RASGEF1C: variants seen among roughly 807,000 people sequenced by gnomAD.
The protein encoded by RASGEF1C is ras-GEF domain-containing family member 1C.
Under a neutral mutation model 58.1 loss-of-function variants are expected in RASGEF1C, and 27 were observed. The observed-to-expected ratio is 0.46, with a 90% CI of 0.34 to 0.64. The LOEUF (loss-of-function observed/expected upper bound fraction) is 0.64. Ranked by LOEUF, RASGEF1C falls within the 30% of genes least tolerant of loss-of-function variation. The probability of loss-of-function intolerance (pLI) is 0.01; values close to 1 mark genes in which losing one functional copy is unlikely to be tolerated. For synonymous variants in RASGEF1C, 243 were observed against 246.3 expected, an observed-to-expected ratio of 0.99 and a Z score of 0.13; for missense variants, 502 against 605.1, an observed-to-expected ratio of 0.83 and a Z score of 1.79.
chr5:180,175,607 A>G (rs1309989083), intron 1 of RASGEF1C, among the ~76,000 whole-genome samples: 1 of 152,232 alleles, frequency 6.6e-6, no homozygotes, highest in Admixed American at 6.5e-5. Flanking sequence ...TGTTGTTCAC[A>G]TGCTCATGTC....
rs372770135 is a variant in RASGEF1C at position 180,168,382 on chromosome 5, G to A, written c.-6-30324C>T. The stretch of plus-strand genomic sequence containing the variant: ...CGGGAGGTGGCGGTTGCCATGAGCC[G>A]AGATGGCGCCACTGCACTCCAGCCT... On this transcript the variant is annotated intron_variant, in intron 1 of 13. Transcript: ENST00000361132. The surrounding 1 kb of genome is among the most constrained non-coding windows in gnomAD (Gnocchi z 6.0). Among the ~76,000 whole-genome samples the A allele has an allele frequency of 3.9e-5, 6 of 152,080 alleles. No individual in the cohort carries two copies. The East Asian group carries it at 5.8e-4, about 15-fold the overall frequency.
rs1756215904 is a variant in RASGEF1C, at chr5:180,193,976, G to A, written c.-7+15052C>T. On this transcript the variant is annotated intron_variant, in intron 1 of 13. Coordinates refer to ENST00000361132, the MANE Select transcript of RASGEF1C (RefSeq NM_175062.4). The stretch of plus-strand genomic sequence containing the variant: ...GGGAGCTGGGAGACGGGTGTGTGGT[G>A]ATTCACACTCTTCCTATTCTGTATG... Among the ~76,000 whole-genome samples the A allele has an allele frequency of 1.3e-5, 2 of 149,134 alleles. 1 individual carries two copies. Among genetic ancestry groups the A allele is most frequent in the South Asian group, 4.3e-4 (2 of 4,668 alleles).
intron 1 of RASGEF1C, among the ~76,000 whole-genome samples, chr5:180,171,912 AGCTGTCGG>A (rs1767113934): frequency 6.6e-6 from 1 of 152,124 alleles, no homozygotes; most frequent in Non-Finnish European, 1.5e-5. Flanking sequence ...CGGGCCCCTC[AGCTGTCGG>A]ACCTCAGCTT....
At chr5:180,171,600 T>A (rs1767109993) in intron 1 of RASGEF1C, among the ~76,000 whole-genome samples, 2 of 152,136 alleles carry the variant, frequency 1.3e-5, no homozygotes, top group African/African-American at 2.4e-5. Flanking sequence ...CAGGTCAGCG[T>A]GAGCTGCCTG....
chr5:180,195,641 A>C (rs1396949595), intron 1 of RASGEF1C, among the ~76,000 whole-genome samples: 1 of 152,082 alleles, frequency 6.6e-6, no homozygotes, highest in Non-Finnish European at 1.5e-5. Context: ...GGGCGCCTGT[A>C]GTCCCAGCTA....
intron 8 of RASGEF1C, 111 bp from the exon 9 acceptor site, chr5:180,118,977 G>T (rs916283817): frequency 1.0e-6 from 1 of 987,202 alleles, no homozygotes; most frequent in Non-Finnish European, 1.6e-6. Context: ...GCAGGGCTCA[G>T]CCTGTCACAT....
At position 180,137,379 on chromosome 5, in the gene RASGEF1C, G is replaced by C. The variant is rs138058741; in HGVS notation, c.300+211C>G. Among the ~76,000 whole-genome samples the C allele has an allele frequency of 6.6e-6, 1 of 152,298 alleles. No individual in the cohort carries two copies. Among genetic ancestry groups the C allele is most frequent in the Non-Finnish European group, 1.5e-5 (1 of 68,010 alleles). ...AGGTCTGGGCTTAATGGGCTCAAGG[G>C]TTCCCGTCGGGCACTGGAAAACTAC... On this transcript the variant is annotated intron_variant, in intron 3 of 13. Coordinates refer to ENST00000361132, the MANE Select transcript of RASGEF1C (RefSeq NM_175062.4). The surrounding 1 kb of genome is among the most constrained non-coding windows in gnomAD (Gnocchi z 4.1).
intron 12 of RASGEF1C, among the ~76,000 whole-genome samples, chr5:180,111,093 CGT>C (rs1456940798): frequency 3.6e-4 from 55 of 152,268 alleles, no homozygotes; most frequent in African/African-American, 1.3e-3. Flanking sequence ...GGATTATAGG[CGT>C]GAGTCACTGT....
chr5:180,170,558 C>A (rs6892707), intron 1 of RASGEF1C, among the ~76,000 whole-genome samples: 1 of 151,950 alleles, frequency 6.6e-6, no homozygotes, highest in African/African-American at 2.4e-5. Context: ...CCTGTCCCCG[C>A]GGAGCCCCCG....
rs1767244437 is a variant in RASGEF1C, at chr5:180,177,225, A to G, written c.-7+31803T>C. Among the ~76,000 whole-genome samples, 1 of 152,130 alleles carries G rather than the reference A, an allele frequency of 6.6e-6. No homozygotes were observed. The highest frequency in any genetic ancestry group is 2.1e-4 in the South Asian group (1 of 4,806). On this transcript the variant is annotated intron_variant, in intron 1 of 13. Transcript: ENST00000361132. The surrounding 1 kb of genome is among the most constrained non-coding windows in gnomAD (Gnocchi z 5.0). ...GCCGAGTAGAGGATGCATTCAAACC[A>G]TGTGCACATCAGCCCCTCAGCCCCG...
At chr5:180,195,583 A>G (rs1344061117) in intron 1 of RASGEF1C, among the ~76,000 whole-genome samples, 17 of 152,008 alleles carry the variant, frequency 1.1e-4, no homozygotes, top group Admixed American at 3.9e-4. Context: ...ACATGGTGAA[A>G]CCCCGTCTCT....
At position 180,152,648 on chromosome 5, in the gene RASGEF1C, G is replaced by A. The variant is rs565734841; in HGVS notation, c.-6-14590C>T. Among the ~76,000 whole-genome samples, 10 of 151,026 alleles carry A rather than the reference G, an allele frequency of 6.6e-5. No individual in the cohort carries two copies. In the East Asian group the frequency reaches 7.8e-4, roughly 12 times the overall value. ...TTAATGGGTGCAGCACACCAACATG[G>A]CACATGTATACATATGTAACAAACC... On this transcript the variant is annotated intron_variant, in intron 1 of 13. Coordinates refer to ENST00000361132, the MANE Select transcript of RASGEF1C (RefSeq NM_175062.4).
chr5:180,118,829 C>T lies in RASGEF1C; in HGVS notation c.945G>A (p.Lys315=), dbSNP rs763028564. ...TGGCCGTCCTCACTTTGGCCCAGGT[C>T]TTCTTCAGCCTGGAGACAGGGCTCA... ...MNMSPVSRLK[K]TWAKVRTAKF... Residue 315 remains lysine, a synonymous_variant, in exon 9 of 14, where the codon AAG becomes AAA. Transcript: ENST00000361132. 3.7e-6 allele frequency: 6 copies of T among 1,614,116 alleles called. No homozygotes were observed. Among genetic ancestry groups the T allele is most frequent in the Admixed American group, 3.3e-5 (2 of 60,008 alleles).
intron 4 of RASGEF1C, among the ~76,000 whole-genome samples, chr5:180,129,958 C>T (rs532612798): frequency 2.8e-4 from 43 of 152,334 alleles, no homozygotes; most frequent in African/African-American, 9.6e-4. Flanking sequence ...GGGGTGGCCA[C>T]GGCCTTTCAT....
chr5:180,139,376 C>T (rs1165392635), intron 1 of RASGEF1C, among the ~76,000 whole-genome samples: 1 of 152,186 alleles, frequency 6.6e-6, no homozygotes, highest in African/African-American at 2.4e-5. Flanking sequence ...CGATGGCAAA[C>T]CCTGACCCTG....
chr5:180,101,959 C>T (rs913012583), intron 13 of RASGEF1C, 112 bp downstream of exon 13: 20 of 769,694 alleles, frequency 2.6e-5, no homozygotes, highest in South Asian at 5.1e-5. Flanking sequence ...TGAAGCCCCT[C>T]GGCCCTGTCC....
rs762495633 is a variant in RASGEF1C, at chr5:180,121,637, TCACA to T, written c.715-492_715-489del. Reference sequence around the variant, plus strand: ...TAAAAATACATTTTAAAATGTAACTTCACACACACACACACACACACACACACAC... The same window carrying T: ...TAAAAATACATTTTAAAATGTAACTTCACACACACACACACACACACACAC... On this transcript the variant is annotated intron_variant, in intron 6 of 13. Coordinates refer to ENST00000361132, the MANE Select transcript of RASGEF1C (RefSeq NM_175062.4). 6.9e-3 allele frequency among the ~76,000 whole-genome samples: 785 copies of T among 113,308 alleles called. 2 individuals carry two copies. The highest frequency in any genetic ancestry group is 0.02 in the East Asian group (77 of 3,786). 74.3% of individuals were successfully genotyped at this position (113,308 alleles called of 152,430 possible).
chr5:180,161,920 T>C (rs1766950947), intron 1 of RASGEF1C, among the ~76,000 whole-genome samples: 2 of 152,236 alleles, frequency 1.3e-5, no homozygotes, highest in Admixed American at 6.5e-5. Flanking sequence ...GCCAGGAGCC[T>C]TGGGACAGGG....
At chr5:180,139,590 C>T (rs1362146438) in intron 1 of RASGEF1C, among the ~76,000 whole-genome samples, 1 of 152,202 alleles carries the variant, frequency 6.6e-6, no homozygotes, top group Non-Finnish European at 1.5e-5. Context: ...CCAGACAGTC[C>T]TGGCCATGGT....
Sources: allele counts gnomAD v4.1 joint callset (sites outside exome capture counted in the v4.1 genomes callset), GRCh38; gene constraint gnomAD v4.1.1; non-coding constraint Gnocchi (gnomAD v3.1); transcripts MANE v1.5; gene names NCBI Gene and HGNC (gene_info 2026-07-23, HGNC 2026-07-21).